TANC1: variants seen among roughly 807,000 people sequenced by gnomAD.
TANC1 encodes protein TANC1.
A neutral mutation model predicts 149.7 loss-of-function variants in TANC1; 77 were observed. The ratio of observed to expected loss-of-function variants is 0.51; its 90% CI spans 0.43 to 0.62. The LOEUF (loss-of-function observed/expected upper bound fraction) is 0.62, where lower values mean the gene tolerates loss of function less well. Ranked by LOEUF, TANC1 falls within the 20% of genes least tolerant of loss-of-function variation. The pLI is 0.00. For missense variants in TANC1, 1,985 were observed against 2,321.8 expected, an observed-to-expected ratio of 0.85 and a Z score of 2.98; for synonymous variants, 854 against 925.0, an observed-to-expected ratio of 0.92 and a Z score of 1.39.
intron 2 of TANC1, among the ~76,000 whole-genome samples, chr2:159,016,143 A>G (rs1027425213): frequency 6.6e-6 from 1 of 152,262 alleles, no homozygotes; most frequent in Non-Finnish European, 1.5e-5. Context: ...GGACTTTTCC[A>G]TGTGACTGAG....
intron 4 of TANC1, among the ~76,000 whole-genome samples, chr2:159,117,383 C>G (rs75410406): frequency 6.6e-6 from 1 of 151,928 alleles, no homozygotes; most frequent in Non-Finnish European, 1.5e-5. Context: ...TTGATACCTA[C>G]TAAAGTCTGT....
At chr2:159,120,577 T>A (rs2048746422) in intron 4 of TANC1, among the ~76,000 whole-genome samples, 1 of 152,162 alleles carries the variant, frequency 6.6e-6, no homozygotes. Flanking sequence ...AATGTGTCAA[T>A]CTTGTGTTTA....
chr2:159,078,712 C>A (rs1051329000), intron 3 of TANC1, among the ~76,000 whole-genome samples: 1 of 152,186 alleles, frequency 6.6e-6, no homozygotes, highest in African/African-American at 2.4e-5. Context: ...TCCAACAGTA[C>A]CTCTAATCCT....
chr2:159,183,928 G>A (rs2056733905), intron 14 of TANC1, among the ~76,000 whole-genome samples: 2 of 152,142 alleles, frequency 1.3e-5, no homozygotes, highest in African/African-American at 2.4e-5. Context: ...GCTTCTCAAT[G>A]GAAGCACCTT....
Position 159,137,007 on chromosome 2 carries a change from T to C in TANC1, c.364+709T>C, listed in dbSNP as rs570832527. On this transcript the variant is annotated intron_variant, in intron 5 of 26. Coordinates refer to ENST00000263635, the MANE Select transcript of TANC1 (RefSeq NM_033394.3). ...ACATCTCTCTTGCCTTTAATTTGGG[T>C]GTTTTGAATTTCCACCCTGTTTTTC... 2.6e-5 allele frequency among the ~76,000 whole-genome samples: 4 copies of C among 152,292 alleles called. No individual in the cohort carries two copies. The South Asian group carries it at 8.3e-4, about 32-fold the overall frequency.
chr2:159,061,958 C>T (rs916192860), intron 2 of TANC1, among the ~76,000 whole-genome samples: 1 of 152,164 alleles, frequency 6.6e-6, no homozygotes, highest in African/African-American at 2.4e-5. Flanking sequence ...ATAAAGTAGG[C>T]CGGGCGTGGT....
intron 2 of TANC1, among the ~76,000 whole-genome samples, chr2:159,050,953 A>G (rs753812977): frequency 2.0e-4 from 30 of 152,346 alleles, no homozygotes; most frequent in Middle Eastern, 3.4e-3. Flanking sequence ...TTTACTGCAT[A>G]AAAACAAGAA....
chr2:159,067,499 C>G (rs1470940727), intron 3 of TANC1, among the ~76,000 whole-genome samples: 1 of 152,208 alleles, frequency 6.6e-6, no homozygotes, highest in African/African-American at 2.4e-5. Flanking sequence ...CACAGAATTT[C>G]CATCCAGGGG....
chr2:159,209,839 A>G (rs2058865328), intron 19 of TANC1, among the ~76,000 whole-genome samples: 1 of 152,126 alleles, frequency 6.6e-6, no homozygotes, highest in African/African-American at 2.4e-5. Context: ...CACTGCCTTC[A>G]CCACATCTCA....
chr2:159,231,179 G>A lies in TANC1; in HGVS notation c.*167G>A, dbSNP rs1245904054. 1.8e-6 allele frequency: 1 copy of A among 567,414 alleles called. No individual in the cohort carries two copies. Among genetic ancestry groups the A allele is most frequent in the African/African-American group, 1.9e-5 (1 of 53,362 alleles). 35.1% of individuals were successfully genotyped at this position (567,414 alleles called of 1,614,324 possible). A position where few individuals can be genotyped will look rare whatever the true frequency, so the allele number is the denominator to read the frequency against. On this transcript the variant is annotated 3_prime_UTR_variant, in exon 27 of 27. Coordinates refer to ENST00000263635, the MANE Select transcript of TANC1 (RefSeq NM_033394.3). ...AATGTGGGATAAAACTTCTTTAATA[G>A]CTAGAAATCACCATAAATAAGAATG...
intron 3 of TANC1, among the ~76,000 whole-genome samples, chr2:159,070,247 C>T: frequency 6.6e-6 from 1 of 151,826 alleles, no homozygotes; most frequent in Non-Finnish European, 1.5e-5. Flanking sequence ...AATGAAATCC[C>T]CAATTTTTAA....
chr2:159,225,884 T>C, intron 24 of TANC1, 105 bp downstream of exon 24: 3 of 923,510 alleles, frequency 3.2e-6, no homozygotes, highest in Non-Finnish European at 5.2e-6. Context: ...CTCCATGTAA[T>C]AGAAGTGCAA....
intron 1 of TANC1, among the ~76,000 whole-genome samples, chr2:158,981,491 T>TTATTTATA (rs1553509688): frequency 5.8e-5 from 2 of 34,354 alleles, no homozygotes; most frequent in East Asian, 3.6e-3. Flanking sequence ...TATATAGCTT[T>TTATTTATA]TATATATATA....
chr2:159,070,350 C>G (rs900909221), intron 3 of TANC1, among the ~76,000 whole-genome samples: 4 of 152,094 alleles, frequency 2.6e-5, no homozygotes, highest in Admixed American at 2.0e-4. Context: ...ATAGCTTCCA[C>G]CATTATCAAC....
At chr2:158,993,614 C>A (rs2035879221) in intron 1 of TANC1, among the ~76,000 whole-genome samples, 1 of 152,090 alleles carries the variant, frequency 6.6e-6, no homozygotes, top group African/African-American at 2.4e-5. Context: ...GCTTTCTCTC[C>A]CTTGAACTTT....
At chr2:158,977,612 A>ATTT (rs59088769) in intron 1 of TANC1, among the ~76,000 whole-genome samples, 2 of 143,130 alleles carry the variant, frequency 1.4e-5, no homozygotes, top group African/African-American at 5.1e-5. Context: ...TGCCTGGCTA[A>ATTT]TTTTTTTTTT....
At chr2:159,082,919 G>A (rs1256287186) in intron 3 of TANC1, among the ~76,000 whole-genome samples, 8 of 152,080 alleles carry the variant, frequency 5.3e-5, no homozygotes, top group African/African-American at 1.7e-4. Flanking sequence ...TAGTGTTGGG[G>A]TCCAAGCATC....
At chr2:159,007,215 T>C (rs192477316) in intron 2 of TANC1, among the ~76,000 whole-genome samples, 66 of 150,470 alleles carry the variant, frequency 4.4e-4, no homozygotes, top group Admixed American at 2.5e-3. Context: ...GGTGCGATCT[T>C]GGCTCACCGC....
At chr2:159,042,295 C>G (rs1254495011) in intron 2 of TANC1, among the ~76,000 whole-genome samples, 1 of 152,172 alleles carries the variant, frequency 6.6e-6, no homozygotes, top group African/African-American at 2.4e-5. Context: ...TGATCCCGTT[C>G]TTTCTGGCAG....
Sources: gnomAD v4.1 joint callset for allele counts (sites outside exome capture counted in the v4.1 genomes callset) on GRCh38, gnomAD v4.1.1 for gene constraint, MANE v1.5 for transcripts, NCBI Gene and HGNC (gene_info 2026-07-23, HGNC 2026-07-21) for gene names.